Variants in SYTL2 observed in about 807,000 individuals in gnomAD.
SYTL2 encodes synaptotagmin-like protein 2.
Under a neutral mutation model 198.7 loss-of-function variants are expected in SYTL2, and 165 were observed. The ratio of observed to expected loss-of-function variants is 0.83; its 90% CI spans 0.73 to 0.94. SYTL2 has a LOEUF of 0.94. SYTL2 is among the 40% of genes least tolerant of loss of function. The probability of loss-of-function intolerance (pLI) is 0.00; values close to 1 mark genes in which losing one functional copy is unlikely to be tolerated. For missense variants in SYTL2, 2,835 were observed against 2,582.8 expected (o/e 1.10, Z -2.12); for synonymous variants, 966 against 917.7 (o/e 1.05, Z -0.95).
At chr11:85,783,628 AT>A (rs1373888085) in intron 1 of SYTL2, among the ~76,000 whole-genome samples, 1 of 152,210 alleles carries the variant, frequency 6.6e-6, no homozygotes, top group Admixed American at 6.5e-5. Flanking sequence ...CCTTACATAT[AT>A]TAACTCATTA....
intron 1 of SYTL2, among the ~76,000 whole-genome samples, chr11:85,790,479 C>T (rs1360613375): frequency 6.6e-6 from 1 of 152,168 alleles, no homozygotes; most frequent in Non-Finnish European, 1.5e-5. Flanking sequence ...CTGGATTTGT[C>T]TTTAGGTTCC....
chr11:85,784,382 T>A (rs900958541), intron 1 of SYTL2, among the ~76,000 whole-genome samples: 32 of 151,604 alleles, frequency 2.1e-4, no homozygotes, highest in Non-Finnish European at 3.7e-4. Context: ...AAAAAAAAAA[T>A]TATGGTAAAC....
intron 6 of SYTL2, among the ~76,000 whole-genome samples, 191 bp from the exon 7 acceptor site, chr11:85,734,933 G>A (rs1288447942): frequency 6.6e-6 from 1 of 152,170 alleles, no homozygotes; most frequent in Non-Finnish European, 1.5e-5. Flanking sequence ...AGGACTTTTA[G>A]GGCACTGGAA....
intron 1 of SYTL2, among the ~76,000 whole-genome samples, chr11:85,793,020 G>A (rs998956848): frequency 6.6e-6 from 1 of 152,026 alleles, no homozygotes; most frequent in East Asian, 1.9e-4. Flanking sequence ...TCTTAATCCA[G>A]TCTATCATTG....
intron 11 of SYTL2, chr11:85,716,248 C>T (rs1323020933): frequency 6.6e-6 from 1 of 152,118 alleles, no homozygotes; most frequent in East Asian, 1.9e-4. Context: ...TAAATATGTC[C>T]TAGTTCAAAA....
At chr11:85,791,908 T>G (rs1293637178) in intron 1 of SYTL2, among the ~76,000 whole-genome samples, 1 of 152,126 alleles carries the variant, frequency 6.6e-6, no homozygotes, top group Admixed American at 6.5e-5. Flanking sequence ...CTGGGAATTC[T>G]ACCAGCAGCT....
chr11:85,792,092 C>CA (rs965282783), intron 1 of SYTL2, among the ~76,000 whole-genome samples: 2 of 151,442 alleles, frequency 1.3e-5, no homozygotes, highest in Non-Finnish European at 2.9e-5. Flanking sequence ...GGAAGTTAGA[C>CA]AAAAAAAATG....
intron 1 of SYTL2, among the ~76,000 whole-genome samples, chr11:85,789,415 T>TG (rs1454030258): frequency 7.0e-4 from 91 of 130,120 alleles, no homozygotes; most frequent in Non-Finnish European, 1.2e-3. Context: ...TTTTTTTTTT[T>TG]GTAGAGACAA....
chr11:85,722,941 C>G (rs1274895974), intron 8 of SYTL2, among the ~76,000 whole-genome samples: 1 of 152,090 alleles, frequency 6.6e-6, no homozygotes, highest in African/African-American at 2.4e-5. Context: ...AAGTAAGCCA[C>G]TCAGTAAAGC....
At chr11:85,733,512 A>G (rs1208632137) in intron 7 of SYTL2, 1 of 153,606 alleles carries the variant, frequency 6.5e-6, no homozygotes, top group Non-Finnish European at 1.4e-5. Flanking sequence ...TGAATTGTAG[A>G]TGGAATGCCT....
intron 4 of SYTL2, 101 bp from the exon 5 acceptor site, chr11:85,737,757 G>C (rs1347761305): frequency 5.5e-6 from 5 of 908,824 alleles, no homozygotes; most frequent in Non-Finnish European, 6.9e-6. Flanking sequence ...AGGAGAGGAA[G>C]CTGGTGCAGA....
chr11:85,751,155 C>T (rs77713942), intron 2 of SYTL2, among the ~76,000 whole-genome samples: 3,992 of 152,228 alleles, frequency 0.026, 190 homozygotes, highest in African/African-American at 0.092. Flanking sequence ...GGCAAAAGAA[C>T]AGGAAATTCT....
chr11:85,727,360 A>G lies in SYTL2; in HGVS notation c.1998T>C (p.Asn666=), dbSNP rs774993978. 4.6e-6 allele frequency: 7 copies of G among 1,536,082 alleles called. No individual in the cohort carries two copies. The highest frequency in any genetic ancestry group is 1.4e-5 in the African/African-American group (1 of 73,008). The part of the protein sequence containing the change: ...PGKGNGASPS[N]SNYSYSVLKE... ...TGAGAACACTGTAGGAATAGTTACT[A>G]TTTGAAGGAGATGCCCCATTCCCTT... Residue 666 remains asparagine, a synonymous_variant, in exon 8 of 20, where the codon AAT becomes AAC. Transcript: ENST00000359152.
intron 1 of SYTL2, among the ~76,000 whole-genome samples, chr11:85,771,931 C>T (rs1251436173): frequency 1.3e-5 from 2 of 151,972 alleles, no homozygotes; most frequent in African/African-American, 2.4e-5. Flanking sequence ...GAGACAGGAT[C>T]TTGCTCTATC....
At chr11:85,845,925 A>T in the SYTL2 span, among the ~76,000 whole-genome samples, 1 of 152,136 alleles carries the variant, frequency 6.6e-6, no homozygotes, top group Non-Finnish European at 1.5e-5. Context: ...AAAAAAAAAT[A>T]ATAATAAAAT....
At chr11:85,790,383 G>T (rs1421030136) in intron 1 of SYTL2, among the ~76,000 whole-genome samples, 1 of 152,138 alleles carries the variant, frequency 6.6e-6, no homozygotes, top group Non-Finnish European at 1.5e-5. Context: ...CCCCTGACTA[G>T]CTGTATGAAT....
chr11:85,720,723 G>A, intron 9 of SYTL2, 135 bp downstream of exon 9: 1 of 573,590 alleles, frequency 1.7e-6, no homozygotes, highest in East Asian at 2.8e-5. Flanking sequence ...GCACTTTGGA[G>A]AGGTTATTTT....
Position 85,727,492 on chromosome 11 carries a change from G to A in SYTL2, c.1866C>T (p.Gly622=). ...ATATACCTGGGCCTTCCTTTGGGGT[G>A]CCTTTTTGGGACAAATTCATGAATT... ...KSKFMNLSQK[G]TPKEGPGILQ... Residue 622 remains glycine, a synonymous_variant, in exon 8 of 20, where the codon GGC becomes GGT. Transcript: ENST00000359152. 6.5e-7 allele frequency: 1 copy of A among 1,535,998 alleles called. No homozygotes were observed. Among genetic ancestry groups the A allele is most frequent in the Non-Finnish European group, 8.7e-7 (1 of 1,146,860 alleles).
chr11:85,734,042 A>G lies in SYTL2; in HGVS notation c.1287T>C (p.Thr429=). 1.2e-6 allele frequency: 2 copies of G among 1,614,054 alleles called. No homozygotes were observed. Among genetic ancestry groups the G allele is most frequent in the Non-Finnish European group, 1.7e-6 (2 of 1,179,852 alleles). The change falls in exon 7 of 20, where the codon ACT becomes ACC. Residue 429 remains threonine (T), a synonymous_variant. Transcript: ENST00000359152. The part of the protein sequence containing the change: ...NGLHSHSEVL[T]ARPQSMENSP... ...AATTCTCCATAGACTGTGGTCTTGC[A>G]GTTAAAACTTCTGAATGAGAATGCA...
Sources: gnomAD v4.1 joint callset for allele counts (sites outside exome capture counted in the v4.1 genomes callset) on GRCh38, gnomAD v4.1.1 for gene constraint, MANE v1.5 for transcripts, NCBI Gene and HGNC (gene_info 2026-07-23, HGNC 2026-07-21) for gene names.